The following RPH3A variants were observed in gnomAD, a reference collection of about 807,000 sequenced individuals.
The protein encoded by RPH3A is rabphilin-3A.
Under a neutral mutation model 102.2 loss-of-function variants are expected in RPH3A, and 48 were observed. That is an observed-to-expected ratio of 0.47 (90% CI 0.37 to 0.60). The LOEUF (loss-of-function observed/expected upper bound fraction) is 0.60, where lower values mean the gene tolerates loss of function less well. Among genes scored for constraint, RPH3A ranks in the 20% least tolerant of loss-of-function variants. The pLI, the probability that RPH3A is intolerant of heterozygous loss-of-function variation, is 0.00. For missense variants in RPH3A, 781 were observed against 910.1 expected (o/e 0.86, Z 1.83); for synonymous variants, 310 against 324.3 (o/e 0.96, Z 0.47).
chr12:112,769,713 T>C (rs1370708368), intron 1 of RPH3A, among the ~76,000 whole-genome samples: 1 of 152,226 alleles, frequency 6.6e-6, no homozygotes, highest in Non-Finnish European at 1.5e-5. Context: ...ATTCTAAAAA[T>C]AGCTGTTAAG....
At chr12:112,760,677 A>G (rs1230489732) in intron 1 of RPH3A, among the ~76,000 whole-genome samples, 1 of 152,218 alleles carries the variant, frequency 6.6e-6, no homozygotes, top group African/African-American at 2.4e-5. Flanking sequence ...ACTCAGTGGC[A>G]TGGGAATCCA....
At chr12:112,794,048 C>A (rs929107436) in intron 2 of RPH3A, among the ~76,000 whole-genome samples, 2 of 152,210 alleles carry the variant, frequency 1.3e-5, no homozygotes, top group Admixed American at 6.5e-5. Flanking sequence ...AATATCTCTC[C>A]ACTGGGTCAC....
chr12:112,825,094 C>G (rs760299680), intron 2 of RPH3A, among the ~76,000 whole-genome samples: 1 of 152,142 alleles, frequency 6.6e-6, no homozygotes, highest in Non-Finnish European at 1.5e-5. Context: ...CAGAGGTCCT[C>G]CAGGTGGGGG....
intron 5 of RPH3A, among the ~76,000 whole-genome samples, chr12:112,853,590 A>G (rs2042360213): frequency 6.6e-6 from 1 of 152,200 alleles, no homozygotes; most frequent in Non-Finnish European, 1.5e-5. Context: ...GCACTTTGGG[A>G]GGCCGAGGCG....
At chr12:112,754,092 T>C (rs907934378) in intron 1 of RPH3A, among the ~76,000 whole-genome samples, 2 of 152,208 alleles carry the variant, frequency 1.3e-5, no homozygotes, top group African/African-American at 4.8e-5. Context: ...TCCATTTGGC[T>C]TCTGACTGTC....
At chr12:112,818,043 T>A (rs1176851950) in intron 2 of RPH3A, among the ~76,000 whole-genome samples, 1 of 152,214 alleles carries the variant, frequency 6.6e-6, no homozygotes, top group Non-Finnish European at 1.5e-5. Flanking sequence ...CCGGGCATGG[T>A]GGCTCACGCC....
At chr12:112,704,872 C>T (rs1427538453) in intron 1 of RPH3A, among the ~76,000 whole-genome samples, 1 of 152,182 alleles carries the variant, frequency 6.6e-6, no homozygotes, top group African/African-American at 2.4e-5. Flanking sequence ...TAGATTGTTA[C>T]ACAAATTTTG....
chr12:112,883,955 T>C (rs139402285), intron 16 of RPH3A, among the ~76,000 whole-genome samples: 66 of 152,302 alleles, frequency 4.3e-4, no homozygotes, highest in Non-Finnish European at 7.6e-4. Flanking sequence ...CAAATAGTGC[T>C]GCTAGGAACA....
chr12:112,729,070 A>T (rs913458970), intron 1 of RPH3A, among the ~76,000 whole-genome samples: 3 of 152,106 alleles, frequency 2.0e-5, no homozygotes, highest in African/African-American at 7.2e-5. Flanking sequence ...ATGGAGCCTG[A>T]GATCTTTTTG....
chr12:112,784,008 A>G (rs1038176098), intron 1 of RPH3A, among the ~76,000 whole-genome samples: 3 of 152,166 alleles, frequency 2.0e-5, no homozygotes, highest in South Asian at 2.1e-4. Context: ...TGAAAGACCT[A>G]TCTGGAAATA....
intron 1 of RPH3A, among the ~76,000 whole-genome samples, chr12:112,765,953 T>C (rs2040885867): frequency 6.6e-6 from 1 of 152,212 alleles, no homozygotes; most frequent in South Asian, 2.1e-4. Flanking sequence ...TCAGAAGTCA[T>C]ACTGTCACCA....
intron 2 of RPH3A, among the ~76,000 whole-genome samples, chr12:112,821,367 T>C (rs984486763): frequency 6.6e-6 from 1 of 152,192 alleles, no homozygotes; most frequent in Non-Finnish European, 1.5e-5. Context: ...CTCCTGCATC[T>C]CTCAGGCCAG....
chr12:112,662,716 C>T (rs1383326498), intron 1 of RPH3A, among the ~76,000 whole-genome samples: 1 of 146,196 alleles, frequency 6.8e-6, no homozygotes, highest in Non-Finnish European at 1.5e-5. Flanking sequence ...CAGCCATAGA[C>T]AATATATAAC....
intron 1 of RPH3A, among the ~76,000 whole-genome samples, chr12:112,746,449 C>G (rs1190675975): frequency 6.6e-6 from 1 of 152,102 alleles, no homozygotes; most frequent in Non-Finnish European, 1.5e-5. Flanking sequence ...CTCCATCACT[C>G]AACCCAAGCC....
At chr12:112,894,541 A>G in intron 19 of RPH3A, 37 bp from the exon 20 acceptor site, 1 of 1,598,918 alleles carries the variant, frequency 6.3e-7, no homozygotes, top group Non-Finnish European at 8.6e-7. Flanking sequence ...TTATTCATTA[A>G]ACGTCATCCA....
intron 1 of RPH3A, among the ~76,000 whole-genome samples, chr12:112,681,527 C>T (rs1002326944): frequency 3.9e-5 from 6 of 152,300 alleles, no homozygotes; most frequent in Admixed American, 3.3e-4. Context: ...CTACTGTAAG[C>T]CACCACCATC....
chr12:112,669,285 CT>C (rs2040110966), intron 1 of RPH3A, among the ~76,000 whole-genome samples: 1 of 152,172 alleles, frequency 6.6e-6, no homozygotes, highest in Non-Finnish European at 1.5e-5. Flanking sequence ...CTCAATTATC[CT>C]AATTTGATCA....
chr12:112,717,726 ATTTTTTT>A (rs58732893), intron 1 of RPH3A, among the ~76,000 whole-genome samples: 1 of 137,518 alleles, frequency 7.3e-6, no homozygotes, highest in Non-Finnish European at 1.6e-5. Flanking sequence ...ATAGGTTTTC[ATTTTTTT>A]TTTTTTTTGG....
At chr12:112,719,243 A>G (rs894483213) in intron 1 of RPH3A, among the ~76,000 whole-genome samples, 1 of 152,164 alleles carries the variant, frequency 6.6e-6, no homozygotes, top group African/African-American at 2.4e-5. Flanking sequence ...TCCTAAATAT[A>G]TATCTTGAGA....
Sources: gnomAD v4.1 joint callset for allele counts (sites outside exome capture counted in the v4.1 genomes callset) on GRCh38, gnomAD v4.1.1 for gene constraint, MANE v1.5 for transcripts, NCBI Gene and HGNC (gene_info 2026-07-23, HGNC 2026-07-21) for gene names.